Variants in NAALADL1 observed in about 807,000 individuals in gnomAD.
NAALADL1 encodes the protein N-acetylated alpha-linked acidic dipeptidase like 1, also known as aminopeptidase NAALADL1.
Under a neutral mutation model 82.8 loss-of-function variants are expected in NAALADL1, and 77 were observed. That is an observed-to-expected ratio of 0.93 (90% CI 0.77 to 1.12). The LOEUF is 1.12. Among genes scored for constraint, NAALADL1 ranks in the 50% most tolerant of loss-of-function variants. The pLI, the probability that NAALADL1 is intolerant of heterozygous loss-of-function variation, is 0.00. For missense variants in NAALADL1, 956 were observed against 964.0 expected (o/e 0.99, Z 0.11); for synonymous variants, 358 against 399.2 (o/e 0.90, Z 1.23).
chr11:65,057,276 C>G (rs1368563759), intron 4 of NAALADL1, 95 bp downstream of exon 4: 3 of 1,491,176 alleles, frequency 2.0e-6, no homozygotes, highest in Non-Finnish European at 2.7e-6. Flanking sequence ...CCACTCAACA[C>G]TGCCTCTTCT....
upstream of NAALADL1, among the ~76,000 whole-genome samples, chr11:65,059,306 C>T (rs918623743): frequency 6.6e-6 from 1 of 152,264 alleles, no homozygotes; most frequent in East Asian, 1.9e-4. Context: ...GCCACCGTGC[C>T]GGCTATGGTG....
rs774643059 is a variant in NAALADL1, at chr11:65,054,762, G to A, written c.604-24C>T. 1.2e-6 allele frequency: 2 copies of A among 1,607,212 alleles called. No individual in the cohort carries two copies. The highest frequency in any genetic ancestry group is 8.5e-7 in the Non-Finnish European group (1 of 1,176,500). On this transcript the variant is annotated intron_variant, in intron 4 of 17. Coordinates refer to ENST00000358658, the MANE Select transcript of NAALADL1 (RefSeq NM_005468.3). The surrounding 1 kb of genome is among the most constrained non-coding windows in gnomAD (Gnocchi z 4.3). Reference sequence around the variant, plus strand: ...GCCTGCAGTGGGCAGAGGAGGCTGTGTGTAAGGGAGGGACCGGGACCAGAT... The same window carrying A: ...GCCTGCAGTGGGCAGAGGAGGCTGTATGTAAGGGAGGGACCGGGACCAGAT...
At chr11:65,059,965 C>T (rs774713166), upstream of NAALADL1, among the ~76,000 whole-genome samples, 4 of 152,214 alleles carry the variant, frequency 2.6e-5, no homozygotes, top group Admixed American at 1.3e-4. Flanking sequence ...CCAGACCTCA[C>T]GGAGAGCCAG....
chr11:65,060,365 G>A (rs568560958), upstream of NAALADL1, among the ~76,000 whole-genome samples: 43 of 152,148 alleles, frequency 2.8e-4, no homozygotes, highest in Non-Finnish European at 5.7e-4. Context: ...GATTATCGAC[G>A]CCCAGAATAT....
In NAALADL1 at chr11:65,047,978, C is replaced by A. The variant is rs755080831; in HGVS notation, c.1416+3G>T. 3.1e-6 allele frequency: 5 copies of A among 1,608,144 alleles called. No homozygotes were observed. In the South Asian group the frequency reaches 4.4e-5, roughly 14 times the overall value. On this transcript the variant is annotated splice_donor_region_variant and intron_variant, in intron 11 of 17. Transcript: ENST00000358658. ...CAGCCCCGCCCGGCCTGCCCCCTTC[C>A]ACCTCTTTGGTTGCAGAGAAGACGA...
At position 65,058,522 on chromosome 11, in the gene NAALADL1, C is replaced by G. The variant is rs1326530741; in HGVS notation, c.-1G>C. On this transcript the variant is annotated 5_prime_UTR_variant, in exon 1 of 18. Transcript: ENST00000358658. ...GCCCCAACACCTTCGTCCACTGCATCCTGCGGACTCTTGGCCAGCTGGGGT... is the reference window on the plus strand; with the variant it reads ...GCCCCAACACCTTCGTCCACTGCATGCTGCGGACTCTTGGCCAGCTGGGGT... 2 of 1,586,160 alleles carry G rather than the reference C, an allele frequency of 1.3e-6. No individual in the cohort carries two copies. The highest frequency in any genetic ancestry group is 3.4e-4 in the Middle Eastern group (2 of 5,908).
chr11:65,053,546 C>T lies in NAALADL1; in HGVS notation c.1023G>A (p.Leu341=), dbSNP rs1371822628. The T allele has an allele frequency of 6.2e-7, 1 of 1,611,218 alleles. No homozygotes were observed. Among genetic ancestry groups the T allele is most frequent in the South Asian group, 1.1e-5 (1 of 90,742 alleles). The change falls in exon 7 of 18, where the codon CTG becomes CTA. Residue 341 remains leucine, a synonymous_variant. Coordinates refer to ENST00000358658, the MANE Select transcript of NAALADL1 (RefSeq NM_005468.3). The surrounding 1 kb of genome is among the most constrained non-coding windows in gnomAD (Gnocchi z 4.3). The stretch of plus-strand genomic sequence containing the variant: ...GGACGTTGGAAGAGTTCCTCAGCTC[C>T]AGGCGGTTGTAGACGCTCACATTCA... ...SQVNVSVYNR[L]ELRNSSNVLG...
At position 65,046,445 on chromosome 11, in the gene NAALADL1, C is replaced by G. The variant is rs980004765; in HGVS notation, c.1681G>C (p.Gly561Arg). The change falls in exon 14 of 18, where the codon GGC becomes CGC. Residue 561 changes from glycine to arginine, a missense_variant and splice_region_variant. Physicochemically the swap from Gly to Arg is moderately radical, Grantham distance 125. Coordinates refer to ENST00000358658, the MANE Select transcript of NAALADL1 (RefSeq NM_005468.3). ...GGATGCCCCTTGTCTCCCTCCTCAC[C>G]CGGGTCCAAAAACTTGTCCACATAG... ...FDYVDKFLDP[G>R]FSSHQAVART... 3.1e-6 allele frequency: 5 copies of G among 1,614,196 alleles called. No homozygotes were observed. Among genetic ancestry groups the G allele is most frequent in the Non-Finnish European group, 4.2e-6 (5 of 1,180,024 alleles).
At position 65,058,491 on chromosome 11, in the gene NAALADL1, G is replaced by A; in HGVS notation, c.31C>T (p.Leu11=). Residue 11 remains leucine, a synonymous_variant, in exon 1 of 18, where the codon CTG becomes TTG. Transcript: ENST00000358658. MQWTKVLGLG[L]GAAALLGLGI... ...AGCCCCAAGAGGGCAGCAGCCCCCA[G>A]CCCCAGCCCCAACACCTTCGTCCAC... 6.2e-7 allele frequency: 1 copy of A among 1,608,804 alleles called. No individual in the cohort carries two copies. Among genetic ancestry groups the A allele is most frequent in the Non-Finnish European group, 8.5e-7 (1 of 1,177,488 alleles).
Position 65,046,328 on chromosome 11 carries a change from C to T in NAALADL1, c.1716G>A (p.Ala572=), listed in dbSNP as rs778846486. ...CACTGAGCCGGAGAATCACACTCCC[C>T]GCTGTCCGGGCCACAGCCTGATGGC... The part of the protein sequence containing the change: ...FSSHQAVART[A]GSVILRLSDS... Residue 572 remains alanine (A), a synonymous_variant, in exon 15 of 18, where the codon GCG becomes GCA. Transcript: ENST00000358658. The T allele has an allele frequency of 6.8e-6, 11 of 1,614,112 alleles. No homozygotes were observed. The highest frequency in any genetic ancestry group is 6.7e-5 in the East Asian group (3 of 44,898).
chr11:65,047,373 G>C, intron 13 of NAALADL1, 102 bp downstream of exon 13: 2 of 950,154 alleles, frequency 2.1e-6, no homozygotes, highest in Admixed American at 5.7e-5. Context: ...AGGTAGCAAT[G>C]AGTAAAGGTG....
intron 13 of NAALADL1, among the ~76,000 whole-genome samples, chr11:65,047,015 G>C (rs116745537): frequency 0.025 from 3,073 of 124,248 alleles, 109 homozygotes; most frequent in African/African-American, 0.086. Context: ...TTTGGAAACA[G>C]AATGCTTCTC....
intron 11 of NAALADL1, 62 bp from the exon 12 acceptor site, chr11:65,047,800 G>T: frequency 6.6e-7 from 1 of 1,524,126 alleles, no homozygotes; most frequent in Non-Finnish European, 8.9e-7. Context: ...AACAGGGCGG[G>T]TTCTCCACCG....
chr11:65,061,152 G>A (rs896658401), upstream of NAALADL1, among the ~76,000 whole-genome samples: 1 of 152,180 alleles, frequency 6.6e-6, no homozygotes. Flanking sequence ...GGATGTGCCT[G>A]CAGAGTCACG....
In NAALADL1 at chr11:65,047,531, G is replaced by T. The variant is rs775724903; in HGVS notation, c.1543C>A (p.Pro515Thr). 15 of 1,572,006 alleles carry T rather than the reference G, an allele frequency of 9.5e-6. No individual in the cohort carries two copies. The highest frequency in any genetic ancestry group is 1.7e-4 in the Middle Eastern group (1 of 6,012). ...GSLGAGSDYA[P>T]FVHFLGISSM... is the part of the protein sequence containing the mutation. ...GAGATGCCCAGGAAGTGAACGAAGG[G>T]TGCATAGTCGCTGCCAGCACCCAGA... The change falls in exon 13 of 18, where the codon CCC becomes ACC. Residue 515 changes from proline to threonine, a missense_variant. Coordinates refer to ENST00000358658, the MANE Select transcript of NAALADL1 (RefSeq NM_005468.3).
chr11:65,054,202 G>A lies in NAALADL1; in HGVS notation c.992+48C>T. 1 of 1,516,166 alleles carries A rather than the reference G, an allele frequency of 6.6e-7. No individual in the cohort carries two copies. Among genetic ancestry groups the A allele is most frequent in the South Asian group, 1.2e-5 (1 of 86,472 alleles). 93.9% of individuals were successfully genotyped at this position (1,516,166 alleles called of 1,614,324 possible). A position where few individuals can be genotyped will look rare whatever the true frequency, so the allele number is the denominator to read the frequency against. On this transcript the variant is annotated intron_variant, in intron 6 of 17. Transcript: ENST00000358658. This position sits in a 1 kb window ranked among gnomAD's most constrained non-coding sequence, Gnocchi z 4.3. ...CATCACAAGGGAAGGGGAGAGGCGA[G>A]TTGGGGGAGAGGGCAACTGAGGGAG...
chr11:65,054,436 C>A lies in NAALADL1; in HGVS notation c.887+19G>T, dbSNP rs766191903. On this transcript the variant is annotated intron_variant, in intron 5 of 17. Coordinates refer to ENST00000358658, the MANE Select transcript of NAALADL1 (RefSeq NM_005468.3). The surrounding 1 kb of genome is among the most constrained non-coding windows in gnomAD (Gnocchi z 4.3). ...GAGGCCACTGGGGCTGGGCAGGACACCCCAGGGCACAAACTCACCAGAGCA... is the reference window on the plus strand; with the variant it reads ...GAGGCCACTGGGGCTGGGCAGGACAACCCAGGGCACAAACTCACCAGAGCA... 2 of 1,613,524 alleles carry A rather than the reference C, an allele frequency of 1.2e-6. No individual in the cohort carries two copies. Among genetic ancestry groups the A allele is most frequent in the Non-Finnish European group, 1.7e-6 (2 of 1,179,644 alleles).
intron 8 of NAALADL1, among the ~76,000 whole-genome samples, chr11:65,048,937 G>C (rs1305329603): frequency 6.6e-6 from 1 of 152,162 alleles, no homozygotes; most frequent in Non-Finnish European, 1.5e-5. Context: ...TGGAAGCCAG[G>C]TTGCAGGATG....
upstream of NAALADL1, among the ~76,000 whole-genome samples, chr11:65,060,082 C>G (rs1017658078): frequency 5.9e-5 from 9 of 152,160 alleles, no homozygotes; most frequent in East Asian, 1.7e-3. Flanking sequence ...TGGATGGGCT[C>G]AAAGATGCCT....
Sources: allele counts gnomAD v4.1 joint callset (sites outside exome capture counted in the v4.1 genomes callset), GRCh38; gene constraint gnomAD v4.1.1; non-coding constraint Gnocchi (gnomAD v3.1); transcripts MANE v1.5; gene names NCBI Gene and HGNC (gene_info 2026-07-23, HGNC 2026-07-21).